BICD2: variants seen among roughly 807,000 people sequenced by gnomAD.
The protein encoded by BICD2 is BICD cargo adaptor 2.
BICD2 carries 25 observed loss-of-function variants against 72.9 expected under a neutral mutation model. The observed-to-expected ratio is 0.34, with a 90% confidence interval of 0.25 to 0.48. The LOEUF is 0.48. BICD2 is among the 20% of genes least tolerant of loss of function. The pLI, the probability that BICD2 is intolerant of heterozygous loss-of-function variation, is 0.99. For synonymous variants in BICD2, 501 were observed against 516.1 expected, an observed-to-expected ratio of 0.97 and a Z score of 0.40; for missense variants, 894 against 1,175.2, an observed-to-expected ratio of 0.76 and a Z score of 3.50.
At chr9:92,754,014 G>T (rs993052158) in intron 1 of BICD2, among the ~76,000 whole-genome samples, 12 of 151,766 alleles carry the variant, frequency 7.9e-5, no homozygotes, top group African/African-American at 2.7e-4. Context: ...GCATGGTGGC[G>T]GGTGCCTGTA....
At chr9:92,756,260 C>CT (rs377608753) in intron 1 of BICD2, among the ~76,000 whole-genome samples, 2,716 of 144,682 alleles carry the variant, frequency 0.019, 40 homozygotes, top group Non-Finnish European at 0.027. Context: ...ACCCTGGCTA[C>CT]TTTTTTTTTT....
At chr9:92,728,214 C>G (rs1453772205) in intron 2 of BICD2, among the ~76,000 whole-genome samples, 1 of 152,248 alleles carries the variant, frequency 6.6e-6, no homozygotes, top group Non-Finnish European at 1.5e-5. Context: ...CTGGGCTCCC[C>G]AGTCCTCCAC....
At chr9:92,732,850 C>A (rs1463245538) in intron 1 of BICD2, among the ~76,000 whole-genome samples, 2 of 152,148 alleles carry the variant, frequency 1.3e-5, no homozygotes, top group Admixed American at 1.3e-4. Context: ...ATATGGAAAT[C>A]TTTATCTACA....
At chr9:92,751,892 C>T (rs1302569473) in intron 1 of BICD2, among the ~76,000 whole-genome samples, 1 of 151,582 alleles carries the variant, frequency 6.6e-6, no homozygotes, top group East Asian at 1.9e-4. Flanking sequence ...GCAACCTCCG[C>T]CTCCTGGGTT....
intron 1 of BICD2, among the ~76,000 whole-genome samples, chr9:92,744,130 C>G (rs1272049446): frequency 6.6e-6 from 1 of 152,212 alleles, no homozygotes; most frequent in Middle Eastern, 3.2e-3. Context: ...CAGCTCCAAG[C>G]TGAAAACAAC....
chr9:92,746,390 G>C (rs1382300084), intron 1 of BICD2, among the ~76,000 whole-genome samples: 2 of 152,076 alleles, frequency 1.3e-5, no homozygotes, highest in East Asian at 3.8e-4. Flanking sequence ...AAATTAGCTG[G>C]GCATGGTGGC....
At chr9:92,745,302 G>C (rs972925391) in intron 1 of BICD2, among the ~76,000 whole-genome samples, 2 of 152,154 alleles carry the variant, frequency 1.3e-5, no homozygotes, top group Non-Finnish European at 2.9e-5. Flanking sequence ...GGCCAGGAGG[G>C]AGGTATAGTT....
At chr9:92,718,391 T>G in intron 5 of BICD2, 148 bp downstream of exon 5, 1 of 950,452 alleles carries the variant, frequency 1.1e-6, no homozygotes, top group Non-Finnish European at 1.5e-6. Context: ...CAGGGGAGGG[T>G]AGGCAGTCGA....
intron 1 of BICD2, 136 bp from the exon 2 acceptor site, chr9:92,729,372 C>T: frequency 1.1e-6 from 1 of 910,744 alleles, no homozygotes; most frequent in Non-Finnish European, 1.7e-6. Context: ...AGGGAGGCCC[C>T]CTGACCTGGG....
Position 92,713,249 on chromosome 9 carries a change from C to T in BICD2, c.*1905G>A. 3.2e-6 allele frequency: 2 copies of T among 624,082 alleles called. No homozygotes were observed. The highest frequency in any genetic ancestry group is 5.5e-6 in the Non-Finnish European group (2 of 362,600). 38.7% of individuals were successfully genotyped at this position (624,082 alleles called of 1,614,324 possible). On this transcript the variant is annotated 3_prime_UTR_variant, in exon 7 of 7. Transcript: ENST00000356884. ...ATACAGAGGCCTTTCCACGCAGCAG[C>T]TCGCAGCATGCTCAACATTAAAGCT...
At chr9:92,759,394 T>C (rs769981341) in intron 1 of BICD2, among the ~76,000 whole-genome samples, 22 of 152,196 alleles carry the variant, frequency 1.4e-4, no homozygotes, top group Non-Finnish European at 2.9e-4. Context: ...AAAGTGAATG[T>C]ATGATTTTTT....
intron 3 of BICD2, 91 bp downstream of exon 3, chr9:92,722,565 C>T (rs1349806482): frequency 6.4e-7 from 1 of 1,552,302 alleles, no homozygotes; most frequent in African/African-American, 1.4e-5. Context: ...AAGACAGGAA[C>T]CCCTTCCCAA....
chr9:92,719,485 A>G lies in BICD2; in HGVS notation c.1160T>C (p.Val387Ala). The change falls in exon 5 of 7, where the codon GTG (valine) becomes GCG (alanine). Residue 387 changes from valine (V) to alanine (A), a missense_variant. By Grantham distance (64) the Val-to-Ala change is moderately conservative. Coordinates refer to ENST00000356884, the MANE Select transcript of BICD2 (RefSeq NM_001003800.2). The part of the protein sequence containing the change: ...RGSLSEQQEK[V>A]TRLTENLSAL... ...ACTCAGATTCTCTGTGAGGCGGGTC[A>G]CCTTCTCCTGCTGTTCTGACAGGGA... 1 of 1,613,882 alleles carries G rather than the reference A, an allele frequency of 6.2e-7. No individual in the cohort carries two copies. Among genetic ancestry groups the G allele is most frequent in the East Asian group, 2.2e-5 (1 of 44,874 alleles).
In BICD2 at chr9:92,722,763, T is replaced by C. The variant is rs761772246; in HGVS notation, c.499A>G (p.Ile167Val). 6 of 1,614,086 alleles carry C rather than the reference T, an allele frequency of 3.7e-6. 1 individual carries two copies. In the South Asian group the frequency reaches 6.6e-5, roughly 18 times the overall value. The change falls in exon 3 of 7, where the codon ATC (isoleucine) becomes GTC (valine). Residue 167 changes from isoleucine to valine, a missense_variant. Ile to Val is a conservative substitution (Grantham distance 29, BLOSUM62 3). Around this residue, in one of 5 missense-constraint regions of BICD2, gnomAD observed 192 missense variants for 243.6 expected, o/e 0.79. Transcript: ENST00000356884. ...EIQRGRLRDD[I>V]KEYKFREARL... is the part of the protein sequence containing the mutation. The stretch of plus-strand genomic sequence containing the variant: ...GCTTCCCGGAATTTGTACTCCTTGA[T>C]GTCATCCCGCAGGCGGCCACGCTGG...
chr9:92,716,197 T>TCCCCACCTGC (rs1348938729), intron 6 of BICD2, among the ~76,000 whole-genome samples: 1 of 152,068 alleles, frequency 6.6e-6, no homozygotes, highest in Non-Finnish European at 1.5e-5. Context: ...ACTCTGCCTG[T>TCCCCACCTGC]CCCCACCTGC....
intron 1 of BICD2, 63 bp from the exon 2 acceptor site, chr9:92,729,299 C>T (rs1007828824): frequency 6.5e-7 from 1 of 1,545,592 alleles, no homozygotes; most frequent in African/African-American, 1.4e-5. Flanking sequence ...GATAGAGACC[C>T]AGCTCACAGG....
chr9:92,757,479 T>C (rs946988478), intron 1 of BICD2, among the ~76,000 whole-genome samples: 5 of 151,906 alleles, frequency 3.3e-5, no homozygotes, highest in African/African-American at 1.2e-4. Context: ...TAAAGAATTT[T>C]TGTTAGTTTC....
At chr9:92,736,404 G>A (rs181036690) in intron 1 of BICD2, among the ~76,000 whole-genome samples, 164 of 152,242 alleles carry the variant, frequency 1.1e-3, no homozygotes, top group Non-Finnish European at 1.9e-3. Context: ...GCCACAGCCC[G>A]AGGTACCCAC....
chr9:92,726,924 T>C (rs1853578676), intron 2 of BICD2, among the ~76,000 whole-genome samples: 1 of 152,176 alleles, frequency 6.6e-6, no homozygotes, highest in Admixed American at 6.5e-5. Flanking sequence ...GATAGGCCTC[T>C]TGGAAGAGAG....
Sources: allele counts gnomAD v4.1 joint callset (sites outside exome capture counted in the v4.1 genomes callset), GRCh38; gene constraint gnomAD v4.1.1; regional missense constraint gnomAD v4.1.1; transcripts MANE v1.5; gene names NCBI Gene and HGNC (gene_info 2026-07-23, HGNC 2026-07-21).